TRPV4: variants seen among roughly 807,000 people sequenced by gnomAD.
The protein encoded by TRPV4 is transient receptor potential cation channel subfamily V member 4.
In TRPV4, 58 loss-of-function variants were observed where a neutral mutation model predicts 84.1. The ratio of observed to expected loss-of-function variants is 0.69; its 90% CI spans 0.56 to 0.86. The LOEUF is 0.86. Among genes scored for constraint, TRPV4 ranks in the 40% least tolerant of loss-of-function variants. TRPV4 has a pLI of 0.00. For synonymous variants in TRPV4, 489 were observed against 500.9 expected (o/e 0.98, Z 0.32); for missense variants, 879 against 1,181.1 (o/e 0.74, Z 3.75).
chr12:109,831,736 T>A (rs946977802), intron 1 of TRPV4, among the ~76,000 whole-genome samples: 1 of 152,232 alleles, frequency 6.6e-6, no homozygotes, highest in Non-Finnish European at 1.5e-5. Flanking sequence ...ACATCCCTCC[T>A]GGGGGCATCA....
chr12:109,783,833 C>T lies in TRPV4; in HGVS notation c.2459-55G>A, dbSNP rs542384825. The T allele has an allele frequency of 1.4e-5, 23 of 1,594,710 alleles. No individual in the cohort carries two copies. Among genetic ancestry groups the T allele is most frequent in the Middle Eastern group, 1.7e-4 (1 of 6,026 alleles). On this transcript the variant is annotated intron_variant, in intron 15 of 15. Transcript: ENST00000261740. The surrounding 1 kb of genome is among the most constrained non-coding windows in gnomAD (Gnocchi z 4.6). Reference sequence around the variant, plus strand: ...TGGGGGTTGGTGGAGAGAGAGCGTGCGTATATTGAGTGCCTACTGTGTACT... The same window carrying T: ...TGGGGGTTGGTGGAGAGAGAGCGTGTGTATATTGAGTGCCTACTGTGTACT...
chr12:109,821,049 T>C (rs1173870963), intron 1 of TRPV4, among the ~76,000 whole-genome samples: 1 of 152,256 alleles, frequency 6.6e-6, no homozygotes, highest in Non-Finnish European at 1.5e-5. Context: ...CCCGCGGCTT[T>C]GCCTGATCTC....
chr12:109,797,045 A>G (rs1325929052), intron 6 of TRPV4, among the ~76,000 whole-genome samples: 1 of 152,190 alleles, frequency 6.6e-6, no homozygotes, highest in Non-Finnish European at 1.5e-5. Flanking sequence ...AATACTGACG[A>G]TCACATGCGG....
rs1891818749 is a variant in TRPV4 at position 109,815,892 on chromosome 12, G to A, written c.-31-1065C>T. On this transcript the variant is annotated intron_variant, in intron 1 of 15. Coordinates refer to ENST00000261740, the MANE Select transcript of TRPV4 (RefSeq NM_021625.5). The surrounding 1 kb of genome is among the most constrained non-coding windows in gnomAD (Gnocchi z 4.1). ...TTGAACCATGTCTCTCTGGCTCCCG[G>A]GTCCAGTGCTTAGCCAGGAGCCAGG... 6.6e-6 allele frequency among the ~76,000 whole-genome samples: 1 copy of A among 152,248 alleles called. No homozygotes were observed. The highest frequency in any genetic ancestry group is 1.5e-5 in the Non-Finnish European group (1 of 68,042).
chr12:109,812,698 GAATGAATGAATGAATA>G (rs1891594337), intron 2 of TRPV4, among the ~76,000 whole-genome samples: 1 of 152,174 alleles, frequency 6.6e-6, no homozygotes, highest in South Asian at 2.1e-4. Flanking sequence ...ATGAGAAATG[GAATGAATGAATGAATA>G]AATGAATGAA....
chr12:109,820,683 G>A (rs546040296), intron 1 of TRPV4, among the ~76,000 whole-genome samples: 7 of 151,826 alleles, frequency 4.6e-5, no homozygotes, highest in South Asian at 2.1e-4. Flanking sequence ...CACCACGCCC[G>A]GCTAATTTTT....
At chr12:109,809,006 TCATC>T (rs1469562000) in intron 2 of TRPV4, among the ~76,000 whole-genome samples, 17 of 124,980 alleles carry the variant, frequency 1.4e-4, no homozygotes, top group Admixed American at 2.3e-4. Flanking sequence ...CATCCATCAC[TCATC>T]CATCCATCCA....
intron 4 of TRPV4, among the ~76,000 whole-genome samples, chr12:109,802,587 C>T: frequency 6.6e-6 from 1 of 151,252 alleles, no homozygotes; most frequent in Non-Finnish European, 1.5e-5. Flanking sequence ...CAGGTGTGAG[C>T]CACCGCACCT....
chr12:109,800,243 C>A (rs550902923), intron 5 of TRPV4, among the ~76,000 whole-genome samples: 1 of 152,146 alleles, frequency 6.6e-6, no homozygotes, highest in East Asian at 1.9e-4. Context: ...CCGTGCCCAG[C>A]CATTTTTTAA....
intron 13 of TRPV4, among the ~76,000 whole-genome samples, chr12:109,787,769 G>A (rs938447724): frequency 3.9e-5 from 6 of 152,260 alleles, no homozygotes; most frequent in East Asian, 1.9e-4. Flanking sequence ...AGGTAAACAC[G>A]GGTGCTGTAT....
At chr12:109,792,910 A>G in intron 10 of TRPV4, 93 bp from the exon 11 acceptor site, 1 of 1,342,866 alleles carries the variant, frequency 7.4e-7, no homozygotes, top group Admixed American at 1.9e-5. Context: ...CCTCCAGGGT[A>G]TCAGGACTTC....
In TRPV4 at chr12:109,788,504, A is replaced by G; in HGVS notation, c.2104T>C (p.Tyr702His). ...AGCAGCACAAAGGTGAGGATGATGT[A>G]GGTCACCAGCAGGATGATGAAGACC... ...PVVFIILLVT[Y>H]IILTFVLLLN... Residue 702 changes from tyrosine (Y) to histidine (H), a missense_variant, in exon 13 of 16, where the codon TAC becomes CAC. Physicochemically the swap from Tyr to His is moderately conservative, Grantham distance 83. This residue lies in a region of TRPV4 where 242 missense variants were observed against 355.3 expected (regional missense o/e 0.68). Coordinates refer to ENST00000261740, the MANE Select transcript of TRPV4 (RefSeq NM_021625.5). The G allele has an allele frequency of 6.2e-7, 1 of 1,614,246 alleles. No homozygotes were observed. Among genetic ancestry groups the G allele is most frequent in the Non-Finnish European group, 8.5e-7 (1 of 1,180,046 alleles).
chr12:109,795,132 C>T (rs1463024510), intron 7 of TRPV4, among the ~76,000 whole-genome samples: 1 of 152,200 alleles, frequency 6.6e-6, no homozygotes, highest in Non-Finnish European at 1.5e-5. Context: ...TAAATCCTGG[C>T]CTCCGCTCTC....
chr12:109,798,851 C>T lies in TRPV4; in HGVS notation c.915G>A (p.Thr305=), dbSNP rs1565870990. ...TGTCCGCCTTCTTGTGGGGGTTCTC[C>T]GTCAGGTAGTTGACAATGTGGGGCT... The part of the protein sequence containing the change: ...TNQPHIVNYL[T]ENPHKKADMR... The change falls in exon 6 of 16, where the codon ACG becomes ACA. Residue 305 remains threonine, a synonymous_variant. Coordinates refer to ENST00000261740, the MANE Select transcript of TRPV4 (RefSeq NM_021625.5). The surrounding 1 kb of genome is among the most constrained non-coding windows in gnomAD (Gnocchi z 5.0). The T allele has an allele frequency of 9.9e-6, 16 of 1,613,970 alleles. No individual in the cohort carries two copies. Among genetic ancestry groups the T allele is most frequent in the Non-Finnish European group, 1.3e-5 (15 of 1,180,042 alleles).
At chr12:109,811,070 C>A (rs1487035742) in intron 2 of TRPV4, among the ~76,000 whole-genome samples, 1 of 152,182 alleles carries the variant, frequency 6.6e-6, no homozygotes, top group African/African-American at 2.4e-5. Context: ...CACTTCTCTC[C>A]ACCTACAACA....
intron 3 of TRPV4, among the ~76,000 whole-genome samples, chr12:109,805,353 G>A (rs1355524898): frequency 6.6e-6 from 1 of 152,210 alleles, no homozygotes; most frequent in East Asian, 1.9e-4. Context: ...CGGGCTTTCA[G>A]ACACAGGTTA....
chr12:109,830,830 G>C (rs1892390119), intron 1 of TRPV4, among the ~76,000 whole-genome samples: 1 of 152,186 alleles, frequency 6.6e-6, no homozygotes, highest in Non-Finnish European at 1.5e-5. Context: ...AAAAGTATTT[G>C]TTCAGACAAC....
intron 13 of TRPV4, 97 bp downstream of exon 13, chr12:109,788,303 T>C (rs1889819536): frequency 3.3e-6 from 4 of 1,194,782 alleles, no homozygotes; most frequent in Non-Finnish European, 4.8e-6. Context: ...AAGACACTGC[T>C]TGCTCAGAGT....
intron 1 of TRPV4, among the ~76,000 whole-genome samples, chr12:109,824,504 C>T (rs1394994521): frequency 6.6e-6 from 1 of 151,988 alleles, no homozygotes; most frequent in African/African-American, 2.4e-5. Flanking sequence ...GCCTGTAATC[C>T]CAGCACTTTG....
Sources: gnomAD v4.1 joint callset for allele counts (sites outside exome capture counted in the v4.1 genomes callset) on GRCh38, gnomAD v4.1.1 for gene constraint, gnomAD v4.1.1 regional missense constraint, Gnocchi (gnomAD v3.1) non-coding constraint, MANE v1.5 for transcripts, NCBI Gene and HGNC (gene_info 2026-07-23, HGNC 2026-07-21) for gene names.